Variants in DPP10 observed in about 807,000 individuals in gnomAD.
DPP10 encodes dipeptidyl peptidase like 10, also known as inactive dipeptidyl peptidase 10.
A neutral mutation model predicts 120.9 loss-of-function variants in DPP10; 33 were observed. That is an observed-to-expected ratio of 0.27 (90% CI 0.21 to 0.37). The LOEUF (loss-of-function observed/expected upper bound fraction) is 0.37, where lower values mean the gene tolerates loss of function less well. Among genes scored for constraint, DPP10 ranks in the 10% least tolerant of loss-of-function variants. The pLI, the probability that DPP10 is intolerant of heterozygous loss-of-function variation, is 1.00. For synonymous variants in DPP10, 337 were observed against 326.1 expected (o/e 1.03, Z -0.36); for missense variants, 816 against 942.8 (o/e 0.87, Z 1.76).
intron 1 of DPP10, among the ~76,000 whole-genome samples, chr2:115,183,070 TTAAC>T (rs1435607495): frequency 7.9e-5 from 12 of 152,004 alleles, no homozygotes; most frequent in Admixed American, 6.6e-4. Context: ...GGCACGCACA[TTAAC>T]TAAGGGAAAA....
chr2:115,456,883 G>A (rs900152413), intron 3 of DPP10, among the ~76,000 whole-genome samples: 2 of 152,012 alleles, frequency 1.3e-5, no homozygotes, highest in African/African-American at 4.8e-5. Flanking sequence ...ATGGGTTGAT[G>A]GGTGCAGCAA....
At chr2:114,685,991 C>G (rs937345493) in intron 1 of DPP10, among the ~76,000 whole-genome samples, 1 of 151,922 alleles carries the variant, frequency 6.6e-6, no homozygotes, top group Admixed American at 6.6e-5. Flanking sequence ...ACAGCTGGCT[C>G]TACCAGTACA....
intron 1 of DPP10, among the ~76,000 whole-genome samples, chr2:114,732,017 G>T (rs1676968562): frequency 6.6e-6 from 1 of 152,174 alleles, no homozygotes; most frequent in Admixed American, 6.5e-5. Context: ...ATCACGTCTG[G>T]ATGGAATACA....
chr2:114,481,433 T>C (rs1184649420), intron 1 of DPP10, among the ~76,000 whole-genome samples: 2 of 152,094 alleles, frequency 1.3e-5, no homozygotes, highest in Non-Finnish European at 2.9e-5. Flanking sequence ...CTAACAAGAA[T>C]GTTGAGAAAT....
chr2:114,826,813 C>T (rs141319648), intron 1 of DPP10, among the ~76,000 whole-genome samples: 1 of 152,204 alleles, frequency 6.6e-6, no homozygotes, highest in African/African-American at 2.4e-5. Flanking sequence ...CAGGCGTGAG[C>T]CACCGTGCTG....
At chr2:114,809,837 T>C (rs1300206135) in intron 1 of DPP10, among the ~76,000 whole-genome samples, 2 of 152,182 alleles carry the variant, frequency 1.3e-5, no homozygotes, top group Non-Finnish European at 2.9e-5. Context: ...CAGATGCTGG[T>C]GGTCTGAGTG....
intron 5 of DPP10, among the ~76,000 whole-genome samples, chr2:115,563,183 G>A (rs1029938577): frequency 3.9e-5 from 6 of 152,126 alleles, no homozygotes; most frequent in Admixed American, 2.0e-4. Context: ...GTTTCAGAGC[G>A]GGGAGCATTT....
At chr2:115,494,963 C>G (rs1247941774) in intron 3 of DPP10, among the ~76,000 whole-genome samples, 1 of 152,024 alleles carries the variant, frequency 6.6e-6, no homozygotes, top group Non-Finnish European at 1.5e-5. Context: ...TAGCCGTTAG[C>G]AAGACCAACA....
chr2:114,726,520 C>T (rs1702061208), intron 1 of DPP10, among the ~76,000 whole-genome samples: 1 of 152,204 alleles, frequency 6.6e-6, no homozygotes, highest in Non-Finnish European at 1.5e-5. Flanking sequence ...TGGCACTGCA[C>T]TTAAATCAGT....
chr2:115,731,079 G>T (rs2092896266), intron 8 of DPP10, among the ~76,000 whole-genome samples: 1 of 152,074 alleles, frequency 6.6e-6, no homozygotes, highest in Non-Finnish European at 1.5e-5. Flanking sequence ...ACAAAAAAAG[G>T]CTGGGTGTGG....
At chr2:115,057,944 T>C (rs916726031) in intron 1 of DPP10, among the ~76,000 whole-genome samples, 1 of 152,242 alleles carries the variant, frequency 6.6e-6, no homozygotes, top group Non-Finnish European at 1.5e-5. Flanking sequence ...ACTTTTTCTT[T>C]GATTTACTTA....
chr2:114,974,979 T>C (rs535833429), intron 1 of DPP10, among the ~76,000 whole-genome samples: 72 of 152,012 alleles, frequency 4.7e-4, no homozygotes, highest in African/African-American at 1.5e-3. Context: ...TCTTGTAGAA[T>C]TCATGTTAAA....
chr2:114,956,657 A>G (rs1289756595), intron 1 of DPP10, among the ~76,000 whole-genome samples: 2 of 152,142 alleles, frequency 1.3e-5, no homozygotes, highest in Non-Finnish European at 2.9e-5. Flanking sequence ...AAGCAAAAAG[A>G]AGAATCCTGG....
chr2:115,605,957 G>A (rs983705772), intron 5 of DPP10, among the ~76,000 whole-genome samples: 22 of 151,998 alleles, frequency 1.4e-4, no homozygotes, highest in African/African-American at 4.6e-4. Context: ...CTATGCCTTT[G>A]ATATTTTATG....
chr2:114,829,531 C>A (rs191290174), intron 1 of DPP10, among the ~76,000 whole-genome samples: 9 of 137,220 alleles, frequency 6.6e-5, no homozygotes, highest in African/African-American at 2.2e-4. Context: ...CTACACTCAG[C>A]TAATTTTTTT....
chr2:114,858,735 A>C (rs1689564571), intron 1 of DPP10, among the ~76,000 whole-genome samples: 4 of 152,174 alleles, frequency 2.6e-5, no homozygotes, highest in African/African-American at 7.2e-5. Context: ...TAGTATTACT[A>C]TCATACCTAC....
chr2:115,435,097 A>T (rs574717993), intron 3 of DPP10, among the ~76,000 whole-genome samples: 2 of 150,860 alleles, frequency 1.3e-5, no homozygotes, highest in Non-Finnish European at 3.0e-5. Context: ...GTATTCATTC[A>T]TCTGTTATTC....
At chr2:114,739,893 G>A (rs137869960) in intron 1 of DPP10, among the ~76,000 whole-genome samples, 1 of 152,090 alleles carries the variant, frequency 6.6e-6, no homozygotes, top group African/African-American at 2.4e-5. Context: ...TGGCTCAAAA[G>A]TGTAAACTAT....
At chr2:115,415,841 T>TTTTATATA (rs1553592806) in intron 3 of DPP10, among the ~76,000 whole-genome samples, 15 of 74,296 alleles carry the variant, frequency 2.0e-4, no homozygotes, top group African/African-American at 6.7e-4. Context: ...TGATTTGCTT[T>TTTTATATA]TATATATATA....
Sources: allele counts gnomAD v4.1 joint callset (sites outside exome capture counted in the v4.1 genomes callset), GRCh38; gene constraint gnomAD v4.1.1; transcripts MANE v1.5; gene names NCBI Gene and HGNC (gene_info 2026-07-23, HGNC 2026-07-21).